Variants in SACS observed in about 807,000 individuals in gnomAD.
SACS encodes sacsin molecular chaperone.
In SACS, 197 loss-of-function variants were observed where a neutral mutation model predicts 348.0. The observed-to-expected ratio is 0.57, with a 90% CI of 0.50 to 0.64. The LOEUF is 0.64. SACS is among the 30% of genes least tolerant of loss of function. The pLI is 0.00. For missense variants in SACS, 4,999 were observed against 5,360.8 expected (o/e 0.93, Z 2.11); for synonymous variants, 1,985 against 1,910.6 (o/e 1.04, Z -1.02).
At chr13:23,420,389 T>C (rs1873881562) in intron 1 of SACS, among the ~76,000 whole-genome samples, 1 of 151,996 alleles carries the variant, frequency 6.6e-6, no homozygotes, top group Non-Finnish European at 1.5e-5. Context: ...TTGGGCCTAA[T>C]GTCCACCGGT....
At chr13:23,388,434 A>ATG (rs1872391506) in intron 2 of SACS, among the ~76,000 whole-genome samples, 1 of 147,544 alleles carries the variant, frequency 6.8e-6, no homozygotes, top group Non-Finnish European at 1.5e-5. Flanking sequence ...ATATATATAT[A>ATG]TATGGTACAT....
chr13:23,426,639 C>CA (rs34125695), intron 1 of SACS, among the ~76,000 whole-genome samples: 38 of 113,054 alleles, frequency 3.4e-4, no homozygotes, highest in African/African-American at 5.0e-4. Flanking sequence ...GACTCCGTCT[C>CA]AAAAAAAAAA....
At chr13:23,404,531 C>G (rs1189061068) in intron 2 of SACS, among the ~76,000 whole-genome samples, 2 of 152,168 alleles carry the variant, frequency 1.3e-5, no homozygotes, top group Non-Finnish European at 2.9e-5. Flanking sequence ...GATGCTCTCT[C>G]TCACCACTCC....
intron 9 of SACS, among the ~76,000 whole-genome samples, chr13:23,351,884 T>C (rs1869982635): frequency 6.6e-6 from 1 of 152,100 alleles, no homozygotes; most frequent in Non-Finnish European, 1.5e-5. Flanking sequence ...AGTGTTTCAT[T>C]ATGACACCAA....
At chr13:23,392,815 C>T (rs1872578577) in intron 2 of SACS, among the ~76,000 whole-genome samples, 1 of 152,138 alleles carries the variant, frequency 6.6e-6, no homozygotes. Flanking sequence ...AGGGAGAAGC[C>T]ATAGAAGGGA....
intron 3 of SACS, among the ~76,000 whole-genome samples, 161 bp downstream of exon 3, chr13:23,374,958 G>A (rs921152899): frequency 1.3e-5 from 2 of 152,186 alleles, no homozygotes; most frequent in Non-Finnish European, 2.9e-5. Flanking sequence ...AACGGAAAAG[G>A]CAAGTGATGA....
At chr13:23,351,071 C>T (rs995431918) in intron 9 of SACS, among the ~76,000 whole-genome samples, 7 of 152,306 alleles carry the variant, frequency 4.6e-5, no homozygotes, top group Admixed American at 2.0e-4. Flanking sequence ...TGGCTTCTGA[C>T]ATCCATCTGC....
chr13:23,407,879 C>T (rs1873302918), intron 2 of SACS, among the ~76,000 whole-genome samples: 1 of 152,272 alleles, frequency 6.6e-6, no homozygotes, highest in South Asian at 2.1e-4. Context: ...CTCAACCCCA[C>T]CTTGATAGCC....
chr13:23,345,357 C>T (rs1869529406), intron 9 of SACS, among the ~76,000 whole-genome samples: 1 of 152,166 alleles, frequency 6.6e-6, no homozygotes, highest in African/African-American at 2.4e-5. Context: ...AGCCTTCCTG[C>T]CAGGTCAGAC....
In SACS at chr13:23,333,180, A is replaced by G; in HGVS notation, c.10696T>C (p.Leu3566=). 6.2e-7 allele frequency: 1 copy of G among 1,605,422 alleles called. No individual in the cohort carries two copies. Among genetic ancestry groups the G allele is most frequent in the Non-Finnish European group, 8.5e-7 (1 of 1,176,650 alleles). Residue 3566 remains leucine, a synonymous_variant, in exon 10 of 10, where the codon TTG becomes CTG. Transcript: ENST00000382292. ...TTTTTGGGTTTTATAAGTTGTTCCA[A>G]TTTCTTAAAGAAATCATTAGGAATA... is the stretch of plus-strand genomic sequence containing the variant. ...LFIPNDFFKK[L]EQLIKPKNHV... is the part of the protein sequence containing the mutation.
Position 23,339,201 on chromosome 13 carries a change from C to A in SACS, c.4675G>T (p.Gly1559Ter). 6.2e-7 allele frequency: 1 copy of A among 1,611,948 alleles called. No homozygotes were observed. The highest frequency in any genetic ancestry group is 8.5e-7 in the Non-Finnish European group (1 of 1,179,042). ...GTGATATGGTACACAGAATTAAATC[C>A]AAGACCAAATTTTCCAACTTTGTCA... is the stretch of plus-strand genomic sequence containing the variant. The part of the protein sequence containing the change: ...EVDKVGKFGL[G>*]FNSVYHITDI... Residue 1559 changes from glycine (G) to a stop codon, truncating the protein, a stop_gained, in exon 10 of 10, where the codon GGA becomes TGA. Transcript: ENST00000382292. LOFTEE classifies it high-confidence loss of function.
chr13:23,332,133 T>C lies in SACS; in HGVS notation c.11743A>G (p.Arg3915Gly). Residue 3915 changes from arginine to glycine, a missense_variant, in exon 10 of 10, where the codon AGA becomes GGA. Physicochemically the swap from Arg to Gly is moderately radical, Grantham distance 125 (BLOSUM62 -2). Coordinates refer to ENST00000382292, the MANE Select transcript of SACS (RefSeq NM_014363.6). ...LALYLPSQDG[R>G]LVKSSILVFD... ...ACTAAGATGCTTGACTTTACCAATC[T>C]ACCATCCTGGCTTGGGAGGTAAAGC... The C allele has an allele frequency of 6.2e-7, 1 of 1,614,046 alleles. No individual in the cohort carries two copies. The highest frequency in any genetic ancestry group is 8.5e-7 in the Non-Finnish European group (1 of 1,179,952).
chr13:23,378,530 T>C (rs1257238463), intron 2 of SACS, among the ~76,000 whole-genome samples: 1 of 152,144 alleles, frequency 6.6e-6, no homozygotes, highest in Non-Finnish European at 1.5e-5. Context: ...GGCCTCTGCA[T>C]CCTGGGTTCA....
intron 6 of SACS, 139 bp downstream of exon 6, chr13:23,365,027 G>GA: frequency 1.7e-6 from 1 of 599,236 alleles, no homozygotes; most frequent in Non-Finnish European, 2.9e-6. Context: ...CAAAAGCAGA[G>GA]AAAAACATCT....
chr13:23,411,300 T>A lies in SACS; in HGVS notation c.-61A>T. 2.7e-6 allele frequency: 4 copies of A among 1,490,710 alleles called. No individual in the cohort carries two copies. The Admixed American group carries it at 6.7e-5, about 25-fold the overall frequency. 92.3% of individuals were successfully genotyped at this position (1,490,710 alleles called of 1,614,324 possible). On this transcript the variant is annotated 5_prime_UTR_variant, in exon 2 of 10. Coordinates refer to ENST00000382292, the MANE Select transcript of SACS (RefSeq NM_014363.6). ...ATGAAAGTACGCTTCTTTCTTCTGTTTAAGTCTTCCCTCTGTGCTTCCTTT... is the reference window on the plus strand; with the variant it reads ...ATGAAAGTACGCTTCTTTCTTCTGTATAAGTCTTCCCTCTGTGCTTCCTTT...
At chr13:23,342,718 T>C (rs1432625134) in intron 9 of SACS, among the ~76,000 whole-genome samples, 6 of 152,216 alleles carry the variant, frequency 3.9e-5, no homozygotes, top group Non-Finnish European at 8.8e-5. Flanking sequence ...CACAGCTGCA[T>C]GACCTACAGA....
Position 23,340,730 on chromosome 13 carries a change from G to A in SACS, c.3146C>T (p.Ser1049Leu), listed in dbSNP as rs1593133030. The change falls in exon 10 of 10, where the codon TCA becomes TTA. Residue 1049 changes from serine (S) to leucine (L), a missense_variant. By Grantham distance (145) the Ser-to-Leu change is moderately radical. Around this residue, in one of 6 missense-constraint regions of SACS, gnomAD observed 3,156 missense variants for 3,380.1 expected, o/e 0.93. Coordinates refer to ENST00000382292, the MANE Select transcript of SACS (RefSeq NM_014363.6). ...FIQISQEQMV[S>L]AGELFDPDIE... ...ATCAGGGTCAAAGAGTTCACCAGCT[G>A]ATACCATCTGTTCCTGTGATATCTG... 1 of 1,600,908 alleles carries A rather than the reference G, an allele frequency of 6.2e-7. No homozygotes were observed. The highest frequency in any genetic ancestry group is 8.5e-7 in the Non-Finnish European group (1 of 1,174,766).
intron 3 of SACS, among the ~76,000 whole-genome samples, chr13:23,374,677 TATTAA>T (rs995088068): frequency 2.0e-5 from 3 of 152,232 alleles, no homozygotes; most frequent in African/African-American, 4.8e-5. Flanking sequence ...ACAGGTTCTA[TATTAA>T]ATTATGTCTA....
chr13:23,375,967 C>T (rs1038992627), intron 2 of SACS, among the ~76,000 whole-genome samples: 2 of 152,078 alleles, frequency 1.3e-5, no homozygotes, highest in African/African-American at 4.8e-5. Flanking sequence ...GAAGCATCTC[C>T]AGTAAGATCT....
Sources: gnomAD v4.1 joint callset for allele counts (sites outside exome capture counted in the v4.1 genomes callset) on GRCh38, gnomAD v4.1.1 for gene constraint, gnomAD v4.1.1 regional missense constraint, MANE v1.5 for transcripts, NCBI Gene and HGNC (gene_info 2026-07-23, HGNC 2026-07-21) for gene names.